AKR1C2: variants seen among roughly 807,000 people sequenced by gnomAD.
AKR1C2 encodes the protein 3-alpha-HSD3.
Under a neutral mutation model 39.8 loss-of-function variants are expected in AKR1C2, and 27 were observed. The observed-to-expected ratio is 0.68, with a 90% CI of 0.50 to 0.93. The LOEUF (loss-of-function observed/expected upper bound fraction) is 0.93, where lower values mean the gene tolerates loss of function less well. Among genes scored for constraint, AKR1C2 ranks in the 40% least tolerant of loss-of-function variants. The pLI is 0.00. For missense variants in AKR1C2, 263 were observed against 365.1 expected (o/e 0.72, Z 2.28); for synonymous variants, 114 against 137.9 (o/e 0.83, Z 1.22).
In AKR1C2 at chr10:5,001,641, A is replaced by G. The variant is rs1554773851; in HGVS notation, c.125T>C (p.Ile42Thr). Residue 42 changes from isoleucine to threonine, a missense_variant, in exon 2 of 9, where the codon ATA becomes ACA. Coordinates refer to ENST00000380753, the MANE Select transcript of AKR1C2 (RefSeq NM_001393392.1). The part of the protein sequence containing the change: ...SKALEAVKLA[I>T]EAGFHHIDSA... ...ATCAATATGGTGGAACCCGGCTTCT[A>G]TTGCCAATTTGACGGCCTCTAGAGC... 3.1e-6 allele frequency: 5 copies of G among 1,613,930 alleles called. No homozygotes were observed. In the East Asian group the frequency reaches 6.7e-5, roughly 22 times the overall value.
At chr10:5,004,304 C>G (rs1190563404), upstream of AKR1C2, among the ~76,000 whole-genome samples, 1 of 152,164 alleles carries the variant, frequency 6.6e-6, no homozygotes, top group East Asian at 1.9e-4. Context: ...ATGAGCATTT[C>G]TTTAAAATAT....
At chr10:5,017,255 C>T (rs1372892483) in intron 1 of AKR1C2, among the ~76,000 whole-genome samples, 1 of 152,154 alleles carries the variant, frequency 6.6e-6, no homozygotes, top group Non-Finnish European at 1.5e-5. Context: ...GCTACATGGC[C>T]AGGCTCAAGT....
At chr10:5,014,011 A>G (rs569445651) in intron 1 of AKR1C2, among the ~76,000 whole-genome samples, 1 of 152,198 alleles carries the variant, frequency 6.6e-6, no homozygotes, top group African/African-American at 2.4e-5. Flanking sequence ...TCAAGGTTCA[A>G]CCATATTATT....
chr10:4,997,039 CA>C (rs1837076486), intron 5 of AKR1C2, among the ~76,000 whole-genome samples: 1 of 152,054 alleles, frequency 6.6e-6, no homozygotes, highest in African/African-American at 2.4e-5. Context: ...AAAGAGAAAA[CA>C]TGAGTTAAAA....
At chr10:5,002,448 T>G (rs1837302108) in intron 1 of AKR1C2, among the ~76,000 whole-genome samples, 1 of 152,200 alleles carries the variant, frequency 6.6e-6, no homozygotes, top group East Asian at 1.9e-4. Flanking sequence ...CCATTCTGTC[T>G]GCATAACAGA....
chr10:5,007,004 C>T (rs185417595), upstream of AKR1C2, among the ~76,000 whole-genome samples: 1 of 148,640 alleles, frequency 6.7e-6, no homozygotes, highest in Non-Finnish European at 1.5e-5. Flanking sequence ...TATTTCTTGA[C>T]CTTGTGATCC....
chr10:5,003,503 A>G (rs1304702790), intron 1 of AKR1C2, among the ~76,000 whole-genome samples: 2 of 151,292 alleles, frequency 1.3e-5, no homozygotes, highest in Non-Finnish European at 2.9e-5. Context: ...GAGAGGGAGC[A>G]GGCAAGCCGT....
chr10:5,000,412 A>G (rs1564331533), intron 3 of AKR1C2, 138 bp downstream of exon 3: 5 of 1,574,880 alleles, frequency 3.2e-6, no homozygotes, highest in African/African-American at 1.4e-5. Context: ...GAAAGGAATT[A>G]GGAGTTATGT....
chr10:4,989,929 G>C lies in AKR1C2; in HGVS notation c.*67C>G, dbSNP rs1836774782. On this transcript the variant is annotated 3_prime_UTR_variant, in exon 9 of 9. Transcript: ENST00000380753. Reference sequence around the variant, plus strand: ...GGCGATGTGTCCAGTCACCAGCATAGAGCCATCCTCTGTGTCACCATCCAC... The same window carrying C: ...GGCGATGTGTCCAGTCACCAGCATACAGCCATCCTCTGTGTCACCATCCAC... 1.3e-6 allele frequency: 2 copies of C among 1,487,452 alleles called. No individual in the cohort carries two copies. The highest frequency in any genetic ancestry group is 2.8e-5 in the African/African-American group (2 of 71,968). The allele number at this position is 1,487,452 out of a possible 1,614,324, so 92.1% of individuals were successfully genotyped here. A position where few individuals can be genotyped will look rare whatever the true frequency, so the allele number is the denominator to read the frequency against.
At chr10:4,996,323 C>A (rs145300678) in intron 5 of AKR1C2, among the ~76,000 whole-genome samples, 13 of 151,156 alleles carry the variant, frequency 8.6e-5, no homozygotes, top group Non-Finnish European at 1.6e-4. Context: ...TATATGCCAT[C>A]TATGATATAT....
chr10:5,003,313 G>C (rs1433494287), intron 1 of AKR1C2, among the ~76,000 whole-genome samples: 1 of 150,106 alleles, frequency 6.7e-6, no homozygotes, highest in African/African-American at 2.5e-5. Flanking sequence ...TAGTATTACA[G>C]TGTGGTGCTC....
intron 7 of AKR1C2, among the ~76,000 whole-genome samples, chr10:4,992,443 G>A (rs1836872571): frequency 6.6e-6 from 1 of 152,122 alleles, no homozygotes; most frequent in African/African-American, 2.4e-5. Flanking sequence ...TCAAAAAGAT[G>A]TCACTCTTTC....
intron 1 of AKR1C2, chr10:5,014,934 A>G (rs1164941683): frequency 1.3e-5 from 2 of 152,260 alleles, no homozygotes; most frequent in Non-Finnish European, 2.9e-5. Context: ...TCATAAGGGC[A>G]ATTTACTCAG....
intron 1 of AKR1C2, chr10:5,010,273 T>G (rs1400951985): frequency 6.6e-6 from 1 of 151,876 alleles, no homozygotes; most frequent in Non-Finnish European, 1.5e-5. Flanking sequence ...CTCAAGCAGT[T>G]TGAACCGGTG....
At chr10:5,012,965 C>A (rs1418768779) in intron 1 of AKR1C2, among the ~76,000 whole-genome samples, 1 of 152,162 alleles carries the variant, frequency 6.6e-6, no homozygotes, top group Non-Finnish European at 1.5e-5. Context: ...TCTTTGAATA[C>A]CTTCTACACT....
intron 2 of AKR1C2, 87 bp downstream of exon 2, chr10:5,001,427 C>A: frequency 2.0e-6 from 3 of 1,528,092 alleles, no homozygotes; most frequent in East Asian, 2.3e-5. Flanking sequence ...ACAATTCACC[C>A]TCAACTATGG....
At chr10:4,997,826 G>A (rs1837112251) in intron 5 of AKR1C2, among the ~76,000 whole-genome samples, 2 of 152,132 alleles carry the variant, frequency 1.3e-5, no homozygotes, top group Non-Finnish European at 2.9e-5. Flanking sequence ...TAACATTTGG[G>A]GGCAGTCAAT....
At chr10:4,993,762 T>C (rs1288179287) in intron 7 of AKR1C2, among the ~76,000 whole-genome samples, 11 of 151,820 alleles carry the variant, frequency 7.2e-5, no homozygotes, top group African/African-American at 2.7e-4. Context: ...AATACATATA[T>C]ATGTATGGTT....
intron 5 of AKR1C2, among the ~76,000 whole-genome samples, chr10:4,998,007 C>T (rs1422544946): frequency 6.6e-6 from 1 of 152,242 alleles, no homozygotes; most frequent in Non-Finnish European, 1.5e-5. Context: ...GCTCCATGTT[C>T]TGCTGAACCT....
Sources: allele counts gnomAD v4.1 joint callset (sites outside exome capture counted in the v4.1 genomes callset), GRCh38; gene constraint gnomAD v4.1.1; transcripts MANE v1.5; gene names NCBI Gene and HGNC (gene_info 2026-07-23, HGNC 2026-07-21).